Variants in PDPR observed in about 807,000 individuals in gnomAD.
PDPR encodes pyruvate dehydrogenase phosphatase regulatory subunit.
Under a neutral mutation model 102.2 loss-of-function variants are expected in PDPR, and 50 were observed. That is an observed-to-expected ratio of 0.49 (90% CI 0.39 to 0.62). PDPR has a LOEUF of 0.62. Among genes scored for constraint, PDPR ranks in the 20% least tolerant of loss-of-function variants. The probability of loss-of-function intolerance (pLI) is 0.00; values close to 1 mark genes in which losing one functional copy is unlikely to be tolerated. For synonymous variants in PDPR, 259 were observed against 406.0 expected, an observed-to-expected ratio of 0.64 and a Z score of 4.35; for missense variants, 625 against 1,098.2, an observed-to-expected ratio of 0.57 and a Z score of 6.09.
intron 18 of PDPR, among the ~76,000 whole-genome samples, chr16:70,155,431 A>G (rs10468276): frequency 3.9e-5 from 6 of 152,224 alleles, no homozygotes; most frequent in African/African-American, 1.4e-4. Context: ...CATCCAGCTA[A>G]TTTTGTATTT....
At chr16:70,147,083 C>T (rs1352034976) in intron 16 of PDPR, among the ~76,000 whole-genome samples, 8 of 91,156 alleles carry the variant, frequency 8.8e-5, no homozygotes, top group Admixed American at 2.7e-4. Context: ...TACAAGCGCC[C>T]GCCACCATGC....
intron 3 of PDPR, among the ~76,000 whole-genome samples, chr16:70,124,153 G>A (rs149579437): frequency 3.9e-5 from 6 of 152,264 alleles, no homozygotes; most frequent in East Asian, 1.9e-4. Context: ...ACCTGAGGTC[G>A]GGAGTTCAAG....
chr16:70,122,795 CAGGA>C (rs1205919658), intron 3 of PDPR, among the ~76,000 whole-genome samples: 2 of 152,154 alleles, frequency 1.3e-5, no homozygotes, highest in African/African-American at 4.8e-5. Context: ...ATATTACTGT[CAGGA>C]AGAGATTTCC....
intron 17 of PDPR, among the ~76,000 whole-genome samples, chr16:70,149,861 G>T (rs57325071): frequency 0.014 from 2,150 of 151,766 alleles, 12 homozygotes; most frequent in African/African-American, 0.05. Flanking sequence ...CGCAATCTCG[G>T]CTCACTGCAA....
At chr16:70,120,293 G>A (rs1362127558) in intron 2 of PDPR, 168 bp from the exon 3 acceptor site, 45 of 530,982 alleles carry the variant, frequency 8.5e-5, no homozygotes, top group South Asian at 2.0e-4. Context: ...CTCGTGATCC[G>A]CCCGCCTTGG....
intron 17 of PDPR, among the ~76,000 whole-genome samples, chr16:70,152,525 A>C (rs892987877): frequency 3.9e-5 from 6 of 152,272 alleles, no homozygotes; most frequent in African/African-American, 1.4e-4. Flanking sequence ...CTCAAAAATA[A>C]ATAAGTAAAT....
intron 10 of PDPR, among the ~76,000 whole-genome samples, chr16:70,136,747 G>A (rs972155313): frequency 8.5e-5 from 13 of 152,234 alleles, no homozygotes; most frequent in African/African-American, 3.1e-4. Flanking sequence ...GGTAATACAC[G>A]GTTTGTTTGT....
chr16:70,137,609 T>C (rs1397486338), intron 10 of PDPR, among the ~76,000 whole-genome samples: 1 of 152,254 alleles, frequency 6.6e-6, no homozygotes, highest in African/African-American at 2.4e-5. Flanking sequence ...GCAGTGTGAA[T>C]GTACCCACTG....
intron 9 of PDPR, among the ~76,000 whole-genome samples, chr16:70,134,218 T>C (rs1321293367): frequency 6.6e-6 from 1 of 152,194 alleles, no homozygotes; most frequent in East Asian, 1.9e-4. Context: ...TAATTTTATT[T>C]ATTTATGTAT....
At chr16:70,125,622 A>G (rs1210624479) in intron 3 of PDPR, among the ~76,000 whole-genome samples, 20 of 151,008 alleles carry the variant, frequency 1.3e-4, no homozygotes, top group East Asian at 2.0e-4. Context: ...AGACTCCCCA[A>G]TGTTCTTTCC....
intron 3 of PDPR, among the ~76,000 whole-genome samples, chr16:70,122,787 A>G (rs1963463632): frequency 1.3e-5 from 2 of 152,190 alleles, no homozygotes; most frequent in South Asian, 2.1e-4. Context: ...TAGTTGGCAT[A>G]TTACTGTCAG....
intron 2 of PDPR, among the ~76,000 whole-genome samples, chr16:70,116,027 A>T (rs1184351844): frequency 1.3e-5 from 2 of 149,188 alleles, no homozygotes; most frequent in African/African-American, 4.9e-5. Context: ...TGCCCTCACC[A>T]CTTCACTCTT....
chr16:70,121,417 C>T, intron 3 of PDPR, among the ~76,000 whole-genome samples: 1 of 151,696 alleles, frequency 6.6e-6, no homozygotes, highest in East Asian at 1.9e-4. Context: ...ATTGGCCGGG[C>T]ATGGTGGCTC....
At position 70,144,040 on chromosome 16, in the gene PDPR, C is replaced by T. The variant is rs538808157; in HGVS notation, c.1755-381C>T. Among the ~76,000 whole-genome samples the T allele has an allele frequency of 1.8e-3, 279 of 152,146 alleles. 1 individual carries two copies. The highest frequency in any genetic ancestry group is 3.0e-3 in the Non-Finnish European group (206 of 67,926). ...CCAGGTAGCTGGGACCACAGGTACA[C>T]GCCACCACACCCAGCCAGTTTTTGT... is the stretch of plus-strand genomic sequence containing the variant. On this transcript the variant is annotated intron_variant, in intron 14 of 18. Transcript: ENST00000288050.
upstream of PDPR, chr16:70,114,075 G>A (rs1358526073): frequency 2.0e-5 from 3 of 152,216 alleles, no homozygotes; most frequent in African/African-American, 7.2e-5. Flanking sequence ...CCGAGGCCCC[G>A]GTTCTAAAAC....
intron 10 of PDPR, among the ~76,000 whole-genome samples, chr16:70,138,540 G>GA (rs1448115554): frequency 6.6e-6 from 1 of 151,828 alleles, no homozygotes; most frequent in Non-Finnish European, 1.5e-5. Context: ...TTTCTGTAGA[G>GA]ACGGGGTCTT....
intron 3 of PDPR, among the ~76,000 whole-genome samples, chr16:70,122,268 C>T (rs376602046): frequency 1.1e-3 from 164 of 152,312 alleles, no homozygotes; most frequent in African/African-American, 3.3e-3. Flanking sequence ...ATTACAGGCG[C>T]GAGCCACCAC....
rs763802828 is a variant in PDPR at position 70,156,822 on chromosome 16, CTT to C, written c.2584_2585del (p.Phe862HisfsTer8). ...CCAAGCTCTACCCTGTCGCCTCCCTCTTCACCCAGAAGCGCCGAAAGGATGAC... is the reference window on the plus strand; with the variant it reads ...CCAAGCTCTACCCTGTCGCCTCCCTCCACCCAGAAGCGCCGAAAGGATGAC... ...KAKLYPVASL[F>X]TQKRRKDDME... On this transcript the variant is annotated frameshift_variant, in exon 19 of 19. Transcript: ENST00000288050. LOFTEE classifies it high-confidence loss of function. The C allele has an allele frequency of 8.7e-6, 14 of 1,614,068 alleles. No homozygotes were observed. The highest frequency in any genetic ancestry group is 1.3e-5 in the African/African-American group (1 of 75,078).
chr16:70,133,240 G>C (rs1964729845), intron 9 of PDPR, among the ~76,000 whole-genome samples: 1 of 150,544 alleles, frequency 6.6e-6, no homozygotes, highest in Admixed American at 6.7e-5. Context: ...TCAGCCTCCA[G>C]AGTAGGTGGT....
Sources: gnomAD v4.1 joint callset for allele counts (sites outside exome capture counted in the v4.1 genomes callset) on GRCh38, gnomAD v4.1.1 for gene constraint, MANE v1.5 for transcripts, NCBI Gene and HGNC (gene_info 2026-07-23, HGNC 2026-07-21) for gene names.